Variants in ROBO3 observed in about 807,000 individuals in gnomAD.
The protein encoded by ROBO3 is roundabout homolog 3.
ROBO3 carries 97 observed loss-of-function variants against 160.5 expected under a neutral mutation model. The observed-to-expected ratio is 0.60, with a 90% confidence interval of 0.51 to 0.72. The LOEUF (loss-of-function observed/expected upper bound fraction) is 0.72, where lower values mean the gene tolerates loss of function less well. Among genes scored for constraint, ROBO3 ranks in the 30% least tolerant of loss-of-function variants. The pLI, the probability that ROBO3 is intolerant of heterozygous loss-of-function variation, is 0.00. For synonymous variants in ROBO3, 780 were observed against 746.2 expected (o/e 1.05, Z -0.74); for missense variants, 1,858 against 1,846.5 (o/e 1.01, Z -0.11).
rs746486301 is a variant in ROBO3, at chr11:124,870,261, G to A, written c.863G>A (p.Arg288His). 18 of 1,613,976 alleles carry A rather than the reference G, an allele frequency of 1.1e-5. No homozygotes were observed. Among genetic ancestry groups the A allele is most frequent in the African/African-American group, 4.0e-5 (3 of 75,038 alleles). ...GAGGTGAAGGGGGATCCCCCACCTC[G>A]TCTACGCTGGCGCAAGGAGGATGGG... Reference protein sequence around the residue: ...LCEVKGDPPPRLRWRKEDGEL... With the variant: ...LCEVKGDPPPHLRWRKEDGEL... Residue 288 changes from arginine (R) to histidine (H), a missense_variant, in exon 5 of 28, where the codon CGT becomes CAT. Physicochemically the swap from Arg to His is conservative, Grantham distance 29. Coordinates refer to ENST00000397801, the MANE Select transcript of ROBO3 (RefSeq NM_022370.4).
intron 25 of ROBO3, 35 bp from the exon 26 acceptor site, chr11:124,879,752 G>T (rs1946516270): frequency 1.2e-6 from 2 of 1,608,622 alleles, no homozygotes; most frequent in South Asian, 1.1e-5. Context: ...GACAGGAGTG[G>T]CAGGAGGCTC....
chr11:124,878,061 C>T lies in ROBO3; in HGVS notation c.3111C>T (p.Pro1037=), dbSNP rs1013741933. ...TGCAGACCTTCCATGGGGGCTTCCC[C>T]CAACATCCCTCAGGAGATCTGGGTC... ...EELQTFHGGF[P]QHPSGDLGPW... Residue 1037 remains proline (P), a synonymous_variant, in exon 21 of 28, where the codon CCC becomes CCT. Coordinates refer to ENST00000397801, the MANE Select transcript of ROBO3 (RefSeq NM_022370.4). This position sits in a 1 kb window ranked among gnomAD's most constrained non-coding sequence, Gnocchi z 4.3. 1.1e-5 allele frequency: 18 copies of T among 1,612,544 alleles called. No homozygotes were observed. Among genetic ancestry groups the T allele is most frequent in the Non-Finnish European group, 1.5e-5 (18 of 1,179,466 alleles).
At position 124,870,243 on chromosome 11, in the gene ROBO3, A is replaced by G. The variant is rs1338120532; in HGVS notation, c.845A>G (p.Lys282Arg). 6.2e-7 allele frequency: 1 copy of G among 1,613,968 alleles called. No homozygotes were observed. Among genetic ancestry groups the G allele is most frequent in the Non-Finnish European group, 8.5e-7 (1 of 1,179,882 alleles). The change falls in exon 5 of 28, where the codon AAG becomes AGG. Residue 282 changes from lysine to arginine, a missense_variant. Transcript: ENST00000397801. The part of the protein sequence containing the change: ...DAPVTFLCEV[K>R]GDPPPRLRWR... ...CCTGTGACTTTCCTATGTGAGGTGA[A>G]GGGGGATCCCCCACCTCGTCTACGC...
chr11:124,878,726 ACTCTTACACC>A lies in ROBO3; in HGVS notation c.3467_3476del (p.Leu1156HisfsTer80), dbSNP rs754162997. Reference sequence around the variant, plus strand: ...TTCCTATGGACAGCAGTCCACAGCCACTCTTACACCCTCACCTCCTGACCCTCCCCAGCCC... The same window carrying A: ...TTCCTATGGACAGCAGTCCACAGCCACTCACCTCCTGACCCTCCCCAGCCC... On this transcript the variant is annotated frameshift_variant, in exon 23 of 28. Coordinates refer to ENST00000397801, the MANE Select transcript of ROBO3 (RefSeq NM_022370.4). LOFTEE classifies it high-confidence loss of function. The surrounding 1 kb of genome is among the most constrained non-coding windows in gnomAD (Gnocchi z 4.3). 1.9e-6 allele frequency: 3 copies of A among 1,613,026 alleles called. No individual in the cohort carries two copies. The African/African-American group carries it at 4.0e-5, about 22-fold the overall frequency.
In ROBO3 at chr11:124,869,845, G is replaced by C. The variant is rs867150371; in HGVS notation, c.646-103G>C. 1 of 1,460,804 alleles carries C rather than the reference G, an allele frequency of 6.8e-7. No individual in the cohort carries two copies. The allele number at this position is 1,460,804 out of a possible 1,614,324, so 90.5% of individuals were successfully genotyped here. On this transcript the variant is annotated intron_variant, in intron 3 of 27. Transcript: ENST00000397801. This position sits in a 1 kb window ranked among gnomAD's most constrained non-coding sequence, Gnocchi z 4.2. ...GGTCTCCTTTATCAGCTTGCTGTGA[G>C]GATCAAATAAACTTTATACATATGT... is the stretch of plus-strand genomic sequence containing the variant.
rs1946318333 is a variant in ROBO3 at position 124,874,203 on chromosome 11, C to A, written c.1918C>A (p.Pro640Thr). 6.2e-7 allele frequency: 1 copy of A among 1,613,914 alleles called. No individual in the cohort carries two copies. The highest frequency in any genetic ancestry group is 1.3e-5 in the African/African-American group (1 of 75,032). Residue 640 changes from proline to threonine, a missense_variant, in exon 12 of 28, where the codon CCC (proline) becomes ACC (threonine). Coordinates refer to ENST00000397801, the MANE Select transcript of ROBO3 (RefSeq NM_022370.4). ...AGTGGGAGCCTGGGGCCTCAGTGAG[C>A]CCAGCCCCGTCTCTGAGCCTGTCCG... ...RAVGAWGLSE[P>T]SPVSEPVRTQ...
intron 24 of ROBO3, 36 bp downstream of exon 24, chr11:124,879,377 C>T: frequency 1.2e-6 from 2 of 1,606,606 alleles, no homozygotes; most frequent in Middle Eastern, 1.7e-4. Context: ...CCCCCGGCTC[C>T]CTCCAGTGCT....
chr11:124,877,781 C>A, intron 20 of ROBO3, 123 bp downstream of exon 20: 1 of 1,345,854 alleles, frequency 7.4e-7, no homozygotes, highest in Non-Finnish European at 1.0e-6. Flanking sequence ...AGGATGTGAG[C>A]TGGGGAAGCC....
rs745711009 is a variant in ROBO3 at position 124,879,585 on chromosome 11, G to T, written c.3796+10G>T. On this transcript the variant is annotated intron_variant, in intron 25 of 27. Coordinates refer to ENST00000397801, the MANE Select transcript of ROBO3 (RefSeq NM_022370.4). Reference sequence around the variant, plus strand: ...GAGAACAGTCCTGGGGGTGAGGGGGGATGCACCTGGGAGATGGTGACAGTA... The same window carrying T: ...GAGAACAGTCCTGGGGGTGAGGGGGTATGCACCTGGGAGATGGTGACAGTA... 6.2e-7 allele frequency: 1 copy of T among 1,605,490 alleles called. No homozygotes were observed. Among genetic ancestry groups the T allele is most frequent in the Non-Finnish European group, 8.5e-7 (1 of 1,173,310 alleles).
chr11:124,873,907 G>C lies in ROBO3; in HGVS notation c.1784+45G>C. 1 of 1,608,028 alleles carries C rather than the reference G, an allele frequency of 6.2e-7. No individual in the cohort carries two copies. The highest frequency in any genetic ancestry group is 8.5e-7 in the Non-Finnish European group (1 of 1,175,558). The stretch of plus-strand genomic sequence containing the variant: ...TGCAAACCTGGAGAGTTAAAAGGAG[G>C]GGATCCTATGCCCTTAGGGTCTTTG... On this transcript the variant is annotated intron_variant, in intron 11 of 27. Transcript: ENST00000397801. The surrounding 1 kb of genome is among the most constrained non-coding windows in gnomAD (Gnocchi z 4.5).
Position 124,865,551 on chromosome 11 carries a change from C to A in ROBO3, c.-27C>A, listed in dbSNP as rs368589400. 1.2e-6 allele frequency: 2 copies of A among 1,607,358 alleles called. No individual in the cohort carries two copies. The highest frequency in any genetic ancestry group is 1.7e-5 in the Admixed American group (1 of 59,694). On this transcript the variant is annotated 5_prime_UTR_variant, in exon 1 of 28. Coordinates refer to ENST00000397801, the MANE Select transcript of ROBO3 (RefSeq NM_022370.4). The surrounding 1 kb of genome is among the most constrained non-coding windows in gnomAD (Gnocchi z 5.5). ...ACCCAGGGGCTGGGCCCCCAGCCCC[C>A]AGTCCCGATCCCAGCTGGGTCGAGC...
chr11:124,867,344 A>C (rs1946212815), intron 1 of ROBO3, among the ~76,000 whole-genome samples: 1 of 152,244 alleles, frequency 6.6e-6, no homozygotes. Context: ...CACTGCTCTC[A>C]CATCACAAAG....
intron 12 of ROBO3, 127 bp from the exon 13 acceptor site, chr11:124,874,661 C>G: frequency 8.6e-7 from 1 of 1,167,132 alleles, no homozygotes; most frequent in Non-Finnish European, 1.2e-6. Context: ...CTGACCAGTC[C>G]CCTCCTGACC....
rs761440764 is a variant in ROBO3 at position 124,876,044 on chromosome 11, G to T, written c.2512G>T (p.Gly838Cys). The change falls in exon 16 of 28, where the codon GGT (glycine) becomes TGT (cysteine). Residue 838 changes from glycine to cysteine, a missense_variant. By Grantham distance (159) the Gly-to-Cys change is radical. Coordinates refer to ENST00000397801, the MANE Select transcript of ROBO3 (RefSeq NM_022370.4). The surrounding 1 kb of genome is among the most constrained non-coding windows in gnomAD (Gnocchi z 5.3). ...RSAMLRGLVP[G>C]LLYRTLVAAA... ...CGCAATGCTCCGAGGACTGGTGCCC[G>T]GTCTCCTCTATCGAACCCTGGTCGC... 6.2e-7 allele frequency: 1 copy of T among 1,608,290 alleles called. No individual in the cohort carries two copies. Among genetic ancestry groups the T allele is most frequent in the Admixed American group, 1.7e-5 (1 of 59,450 alleles).
At position 124,873,486 on chromosome 11, in the gene ROBO3, T is replaced by TTATG. The variant is rs1171859308; in HGVS notation, c.1618+97_1618+100dup. 1.7e-6 allele frequency: 2 copies of TTATG among 1,184,694 alleles called. No individual in the cohort carries two copies. Among genetic ancestry groups the TTATG allele is most frequent in the East Asian group, 5.1e-5 (2 of 39,386 alleles). The allele number at this position is 1,184,694 out of a possible 1,614,324, so 73.4% of individuals were successfully genotyped here. Reference sequence around the variant, plus strand: ...ACCTCCTCAAACTCCGGGATTAACTTTATGTCACAAATGCCATGGTTACGG... The same window carrying TTATG: ...ACCTCCTCAAACTCCGGGATTAACTTTATGTATGTCACAAATGCCATGGTTACGG... On this transcript the variant is annotated intron_variant, in intron 10 of 27. Transcript: ENST00000397801. This position sits in a 1 kb window ranked among gnomAD's most constrained non-coding sequence, Gnocchi z 4.5.
At position 124,872,384 on chromosome 11, in the gene ROBO3, C is replaced by T. The variant is rs780907431; in HGVS notation, c.1162C>T (p.Leu388=). The T allele has an allele frequency of 2.5e-6, 4 of 1,614,004 alleles. No individual in the cohort carries two copies. The highest frequency in any genetic ancestry group is 3.4e-6 in the Non-Finnish European group (4 of 1,179,890). ...TGGTTCCTTGCTCTGTCCCCAGGTCCTGCTTTTCCCCAGTCAGTCACTTCA... is the reference window on the plus strand; with the variant it reads ...TGGTTCCTTGCTCTGTCCCCAGGTCTTGCTTTTCCCCAGTCAGTCACTTCA... ...IFWQKEGSQV[L]LFPSQSLQPT... is the part of the protein sequence containing the mutation. The change falls in exon 8 of 28, where the codon CTG becomes TTG. Residue 388 remains leucine, a synonymous_variant. Coordinates refer to ENST00000397801, the MANE Select transcript of ROBO3 (RefSeq NM_022370.4). This position sits in a 1 kb window ranked among gnomAD's most constrained non-coding sequence, Gnocchi z 4.3.
At position 124,878,185 on chromosome 11, in the gene ROBO3, G is replaced by T. The variant is rs1240541114; in HGVS notation, c.3181+54G>T. The T allele has an allele frequency of 1.3e-6, 2 of 1,569,972 alleles. No homozygotes were observed. Among genetic ancestry groups the T allele is most frequent in the East Asian group, 4.6e-5 (2 of 43,690 alleles). Reference sequence around the variant, plus strand: ...TAGCCCTGACCAGGGTATCCCCAAAGAGGATCCTCCTCCCTGACCCTCTGG... The same window carrying T: ...TAGCCCTGACCAGGGTATCCCCAAATAGGATCCTCCTCCCTGACCCTCTGG... On this transcript the variant is annotated intron_variant, in intron 21 of 27. Coordinates refer to ENST00000397801, the MANE Select transcript of ROBO3 (RefSeq NM_022370.4). The surrounding 1 kb of genome is among the most constrained non-coding windows in gnomAD (Gnocchi z 4.3).
Position 124,875,559 on chromosome 11 carries a change from C to T in ROBO3, c.2300-5C>T. On this transcript the variant is annotated splice_region_variant and splice_polypyrimidine_tract_variant and intron_variant, in intron 14 of 27. Coordinates refer to ENST00000397801, the MANE Select transcript of ROBO3 (RefSeq NM_022370.4). ...TCCTTCTCACCATGCTCCACCCTGGCCCAGCCCCCAGTGGCCCCCCACAGG... is the reference window on the plus strand; with the variant it reads ...TCCTTCTCACCATGCTCCACCCTGGTCCAGCCCCCAGTGGCCCCCCACAGG... 6.2e-7 allele frequency: 1 copy of T among 1,611,534 alleles called. No individual in the cohort carries two copies. The highest frequency in any genetic ancestry group is 1.1e-5 in the South Asian group (1 of 90,748).
intron 20 of ROBO3, 61 bp downstream of exon 20, chr11:124,877,719 A>G (rs760290745): frequency 1.3e-6 from 2 of 1,584,184 alleles, no homozygotes; most frequent in African/African-American, 2.7e-5. Flanking sequence ...ACTGGGGCAA[A>G]CCGAAGGGCG....
Sources: gnomAD v4.1 joint callset for allele counts (sites outside exome capture counted in the v4.1 genomes callset) on GRCh38, gnomAD v4.1.1 for gene constraint, Gnocchi (gnomAD v3.1) non-coding constraint, MANE v1.5 for transcripts, NCBI Gene and HGNC (gene_info 2026-07-23, HGNC 2026-07-21) for gene names.